UBE2D2: variants seen among roughly 807,000 people sequenced by gnomAD.
The protein encoded by UBE2D2 is ubiquitin-conjugating enzyme E2 D2.
UBE2D2 carries 2 observed loss-of-function variants against 24.2 expected under a neutral mutation model. The ratio of observed to expected loss-of-function variants is 0.08; its 90% CI spans 0.03 to 0.26. The LOEUF (loss-of-function observed/expected upper bound fraction) is 0.26. UBE2D2 is among the 10% of genes least tolerant of loss of function. The probability of loss-of-function intolerance (pLI) is 1.00; values close to 1 mark genes in which losing one functional copy is unlikely to be tolerated. For missense variants in UBE2D2, 44 were observed against 177.6 expected, an observed-to-expected ratio of 0.25 and a Z score of 4.28; for synonymous variants, 58 against 56.5, an observed-to-expected ratio of 1.03 and a Z score of -0.12.
intron 1 of UBE2D2, among the ~76,000 whole-genome samples, chr5:139,549,424 G>A (rs536687256): frequency 1.3e-4 from 20 of 152,202 alleles, no homozygotes; most frequent in Non-Finnish European, 1.3e-4. Flanking sequence ...GGGTCTTGGC[G>A]GCCCCGCACT....
At chr5:139,602,853 T>G (rs753536226) in intron 2 of UBE2D2, among the ~76,000 whole-genome samples, 4 of 152,224 alleles carry the variant, frequency 2.6e-5, no homozygotes, top group African/African-American at 4.8e-5. Context: ...ATTATTATAT[T>G]CTGACTTACC....
At chr5:139,541,917 T>C (rs946673487) in intron 1 of UBE2D2, among the ~76,000 whole-genome samples, 1 of 151,962 alleles carries the variant, frequency 6.6e-6, no homozygotes, top group Admixed American at 6.6e-5. Flanking sequence ...CCGGGTATGG[T>C]GGCACACAAC....
intron 6 of UBE2D2, among the ~76,000 whole-genome samples, chr5:139,624,391 G>C (rs896438687): frequency 6.6e-6 from 1 of 152,258 alleles, no homozygotes; most frequent in Non-Finnish European, 1.5e-5. Context: ...AGCCTCTGGA[G>C]TAGCTAGGAT....
At chr5:139,562,150 C>CGAGGGGGGCGCTGGGGCG in intron 1 of UBE2D2, 1 of 1,298,386 alleles carries the variant, frequency 7.7e-7, no homozygotes, top group African/African-American at 1.5e-5. Context: ...GGGTTGGGGC[C>CGAGGGGGGCGCTGGGGCG]GAGGGGGGCG....
intron 2 of UBE2D2, chr5:139,611,960 T>G (rs930421559): frequency 2.0e-5 from 3 of 148,654 alleles, no homozygotes; most frequent in African/African-American, 7.6e-5. Context: ...GAAAAATAAT[T>G]GTTTTTTTTT....
At chr5:139,586,035 C>T (rs767493043) in intron 1 of UBE2D2, among the ~76,000 whole-genome samples, 1 of 150,556 alleles carries the variant, frequency 6.6e-6, no homozygotes, top group Non-Finnish European at 1.5e-5. Context: ...AAATAGCTTC[C>T]TAGGAAAAGG....
intron 1 of UBE2D2, among the ~76,000 whole-genome samples, chr5:139,528,516 C>T (rs1014184733): frequency 6.6e-6 from 1 of 152,184 alleles, no homozygotes. Flanking sequence ...ACGGGGTTTC[C>T]AAAGGCTGGC....
rs1185645347 is a variant in UBE2D2 at position 139,627,228 on chromosome 5, G to C, written c.*427G>C. The C allele has an allele frequency of 6.4e-6, 1 of 156,912 alleles. No homozygotes were observed. The highest frequency in any genetic ancestry group is 2.4e-5 in the African/African-American group (1 of 41,486). 9.7% of individuals were successfully genotyped at this position (156,912 alleles called of 1,614,324 possible). A position where few individuals can be genotyped will look rare whatever the true frequency, so the allele number is the denominator to read the frequency against. The stretch of plus-strand genomic sequence containing the variant: ...ACTCAAAACAGTTATGAAAAGCAAG[G>C]TGAAGAACATGAAGCTGTGTCTGTA... On this transcript the variant is annotated 3_prime_UTR_variant, in exon 7 of 7. Transcript: ENST00000398733.
chr5:139,597,992 C>T (rs373760741), intron 1 of UBE2D2, among the ~76,000 whole-genome samples: 4 of 152,214 alleles, frequency 2.6e-5, no homozygotes, highest in Non-Finnish European at 5.9e-5. Context: ...AGCTCCACCT[C>T]CCGGGTTCAC....
intron 1 of UBE2D2, among the ~76,000 whole-genome samples, chr5:139,536,270 T>G (rs146404877): frequency 4.6e-5 from 7 of 151,460 alleles, no homozygotes; most frequent in Non-Finnish European, 7.4e-5. Flanking sequence ...CAGCTAATTT[T>G]GTATTTTTAG....
At chr5:139,602,094 C>G (rs974519317) in intron 2 of UBE2D2, among the ~76,000 whole-genome samples, 3 of 152,126 alleles carry the variant, frequency 2.0e-5, no homozygotes, top group Admixed American at 2.0e-4. Flanking sequence ...CTCTGTTGCC[C>G]GTGCTGGAGT....
chr5:139,542,596 C>T (rs1317222950), intron 1 of UBE2D2, among the ~76,000 whole-genome samples: 1 of 152,138 alleles, frequency 6.6e-6, no homozygotes, highest in Non-Finnish European at 1.5e-5. Flanking sequence ...GCTGGGATTA[C>T]AGGGGTCAGC....
At chr5:139,608,565 G>C (rs1201363878) in intron 2 of UBE2D2, among the ~76,000 whole-genome samples, 1 of 152,024 alleles carries the variant, frequency 6.6e-6, no homozygotes, top group Non-Finnish European at 1.5e-5. Flanking sequence ...GACCAGCCTG[G>C]GCAACATGGG....
chr5:139,568,242 G>T (rs1753282117), intron 1 of UBE2D2, among the ~76,000 whole-genome samples: 2 of 151,994 alleles, frequency 1.3e-5, no homozygotes, highest in East Asian at 1.9e-4. Flanking sequence ...TACTCAGGAG[G>T]CTGAGGCAGG....
intron 1 of UBE2D2, among the ~76,000 whole-genome samples, chr5:139,573,448 T>C (rs951002136): frequency 7.2e-5 from 11 of 152,184 alleles, no homozygotes; most frequent in Admixed American, 6.5e-5. Context: ...TGTATATTGT[T>C]TTCATTGCAG....
At chr5:139,565,157 A>G (rs1753191019) in intron 1 of UBE2D2, among the ~76,000 whole-genome samples, 1 of 152,202 alleles carries the variant, frequency 6.6e-6, no homozygotes, top group South Asian at 2.1e-4. Context: ...GGGTTCTGAT[A>G]AGATTTTTCT....
At chr5:139,551,741 T>G (rs1457700650) in intron 1 of UBE2D2, among the ~76,000 whole-genome samples, 1 of 152,164 alleles carries the variant, frequency 6.6e-6, no homozygotes, top group Non-Finnish European at 1.5e-5. Flanking sequence ...GTGATCAATC[T>G]CTGGTGACAG....
intron 2 of UBE2D2, among the ~76,000 whole-genome samples, chr5:139,605,516 C>T (rs565466087): frequency 3.9e-4 from 56 of 141,782 alleles, no homozygotes; most frequent in African/African-American, 1.3e-3. Flanking sequence ...GGCGTGAACC[C>T]GGGAGGTGGA....
At chr5:139,535,422 C>G (rs1363492644) in intron 1 of UBE2D2, among the ~76,000 whole-genome samples, 1 of 151,978 alleles carries the variant, frequency 6.6e-6, no homozygotes, top group Non-Finnish European at 1.5e-5. Flanking sequence ...CGCCATTGCA[C>G]TCCAGCCTGG....
Sources: gnomAD v4.1 joint callset for allele counts (sites outside exome capture counted in the v4.1 genomes callset) on GRCh38, gnomAD v4.1.1 for gene constraint, MANE v1.5 for transcripts, NCBI Gene and HGNC (gene_info 2026-07-23, HGNC 2026-07-21) for gene names.